ANXA13: variants seen among roughly 807,000 people sequenced by gnomAD.
ANXA13 encodes the protein annexin A13, also known as annexin XIII.
ANXA13 carries 36 observed loss-of-function variants against 46.6 expected under a neutral mutation model. The observed-to-expected ratio is 0.77, with a 90% CI of 0.59 to 1.02. ANXA13 has a LOEUF of 1.02. Ranked by LOEUF, ANXA13 falls within the 50% of genes least tolerant of loss-of-function variation. ANXA13 has a pLI of 0.00. For synonymous variants in ANXA13, 163 were observed against 152.9 expected (o/e 1.07, Z -0.49); for missense variants, 417 against 396.5 (o/e 1.05, Z -0.44).
At chr8:123,689,077 T>C in intron 8 of ANXA13, 131 bp from the exon 9 acceptor site, 1 of 786,252 alleles carries the variant, frequency 1.3e-6, no homozygotes, top group Non-Finnish European at 2.1e-6. Flanking sequence ...ACTGCTATCC[T>C]GACTCTTGCC....
chr8:123,709,939 A>T (rs1813624385), intron 2 of ANXA13, among the ~76,000 whole-genome samples: 2 of 152,126 alleles, frequency 1.3e-5, no homozygotes, highest in Non-Finnish European at 2.9e-5. Context: ...TTATATTTTT[A>T]GTAGAGACGG....
chr8:123,727,977 G>C (rs888373102), intron 1 of ANXA13: 1 of 152,164 alleles, frequency 6.6e-6, no homozygotes, highest in Non-Finnish European at 1.5e-5. Flanking sequence ...TAGGAGGAAG[G>C]TGTGAGCTGA....
chr8:123,696,544 C>A (rs556259380), intron 4 of ANXA13, among the ~76,000 whole-genome samples: 1 of 103,220 alleles, frequency 9.7e-6, no homozygotes, highest in African/African-American at 2.8e-5. Context: ...TAAGAGCAGG[C>A]TTCCTGCTCC....
intron 1 of ANXA13, among the ~76,000 whole-genome samples, chr8:123,725,312 G>T (rs980618697): frequency 6.6e-6 from 1 of 152,314 alleles, no homozygotes; most frequent in Admixed American, 6.5e-5. Flanking sequence ...GGGAGACATT[G>T]AATGTATCCA....
At chr8:123,734,566 A>C (rs1563622612) in intron 1 of ANXA13, among the ~76,000 whole-genome samples, 1 of 152,048 alleles carries the variant, frequency 6.6e-6, no homozygotes, top group Non-Finnish European at 1.5e-5. Context: ...GGATAGCACA[A>C]AAGTAATTTT....
In ANXA13 at chr8:123,690,605, T is replaced by C. The variant is rs1231101368; in HGVS notation, c.643-1659A>G. Among the ~76,000 whole-genome samples the C allele has an allele frequency of 1.3e-5, 2 of 152,236 alleles. No homozygotes were observed. The highest frequency in any genetic ancestry group is 4.1e-4 in the South Asian group (2 of 4,832). On this transcript the variant is annotated intron_variant, in intron 8 of 10. Coordinates refer to ENST00000419625, the MANE Select transcript of ANXA13 (RefSeq NM_004306.4). The surrounding 1 kb of genome is among the most constrained non-coding windows in gnomAD (Gnocchi z 4.6). ...TACTTTGGATACTTCTCACTTCAGT[T>C]ACTGCAACGTGATTCTTAGGGGCTC... is the stretch of plus-strand genomic sequence containing the variant.
intron 9 of ANXA13, among the ~76,000 whole-genome samples, chr8:123,687,056 G>A (rs916205422): frequency 1.3e-5 from 2 of 151,866 alleles, no homozygotes; most frequent in East Asian, 3.9e-4. Context: ...CTTATCTGTT[G>A]ATTTGTACCC....
rs554700941 is a variant in ANXA13 at position 123,709,087 on chromosome 8, C to T, written c.91+3591G>A. ...GGAGCCCCCATTCAACCCAGTTCAC[C>T]CTGAGTGATGGAGAACAAGGGCGCG... On this transcript the variant is annotated intron_variant, in intron 2 of 10. Transcript: ENST00000419625. Among the ~76,000 whole-genome samples the T allele has an allele frequency of 3.3e-5, 5 of 152,318 alleles. No homozygotes were observed. In the South Asian group the frequency reaches 8.3e-4, roughly 25 times the overall value.
intron 7 of ANXA13, 45 bp from the exon 8 acceptor site, chr8:123,693,343 A>C (rs755834476): frequency 1.3e-6 from 2 of 1,562,440 alleles, no homozygotes; most frequent in South Asian, 1.1e-5. Context: ...TTTTGTGAAA[A>C]GACTGATTAT....
In ANXA13 at chr8:123,688,953, C is replaced by T. The variant is rs55688638; in HGVS notation, c.643-7G>A. 2.6e-4 allele frequency: 423 copies of T among 1,613,200 alleles called. 1 individual carries two copies. The highest frequency in any genetic ancestry group is 1.1e-3 in the African/African-American group (79 of 74,966). On this transcript the variant is annotated splice_polypyrimidine_tract_variant and splice_region_variant and intron_variant, in intron 8 of 10. Coordinates refer to ENST00000419625, the MANE Select transcript of ANXA13 (RefSeq NM_004306.4). ...CTATGTCTTTGCCAATGAGCTGCAG[C>T]GAAAACCAAAATCAACTGTTATTCC...
At chr8:123,732,957 G>A (rs547551784) in intron 1 of ANXA13, among the ~76,000 whole-genome samples, 1 of 152,224 alleles carries the variant, frequency 6.6e-6, no homozygotes, top group Non-Finnish European at 1.5e-5. Flanking sequence ...AGGATCGCTT[G>A]AGCCCAGGAG....
chr8:123,697,461 GGGATGCTCC>G (rs1813362940), intron 4 of ANXA13, among the ~76,000 whole-genome samples: 1 of 152,174 alleles, frequency 6.6e-6, no homozygotes, highest in African/African-American at 2.4e-5. Context: ...AAGAAGTCCG[GGGATGCTCC>G]AGAAAAGGTT....
At chr8:123,700,753 G>A (rs1010755147) in intron 3 of ANXA13, among the ~76,000 whole-genome samples, 10 of 145,102 alleles carry the variant, frequency 6.9e-5, no homozygotes, top group Admixed American at 2.1e-4. Context: ...TCATTCTTTT[G>A]TTCTTTCTTT....
intron 9 of ANXA13, among the ~76,000 whole-genome samples, chr8:123,685,074 C>G (rs1813116480): frequency 6.6e-6 from 1 of 152,214 alleles, no homozygotes; most frequent in South Asian, 2.1e-4. Context: ...TGAAGGGAAA[C>G]AGATTGGCCA....
At chr8:123,729,989 A>G (rs1456232556) in intron 1 of ANXA13, among the ~76,000 whole-genome samples, 1 of 152,074 alleles carries the variant, frequency 6.6e-6, no homozygotes, top group Non-Finnish European at 1.5e-5. Flanking sequence ...TAGACAAGAC[A>G]CCTGGAGTCA....
intron 9 of ANXA13, among the ~76,000 whole-genome samples, chr8:123,687,858 A>G (rs1813168555): frequency 6.6e-6 from 1 of 152,180 alleles, no homozygotes; most frequent in Non-Finnish European, 1.5e-5. Flanking sequence ...ACACAGCCCC[A>G]TGCCCATCTC....
rs374396776 is a variant in ANXA13, at chr8:123,726,519, C to G, written c.15+10801G>C. The stretch of plus-strand genomic sequence containing the variant: ...GGGTAGCCCTTTTGGGGGCTACACC[C>G]AAACAGAGGAGAGGTGAGCCAATCA... On this transcript the variant is annotated intron_variant, in intron 1 of 10. Coordinates refer to ENST00000419625, the MANE Select transcript of ANXA13 (RefSeq NM_004306.4). Among the ~76,000 whole-genome samples, 5 of 152,302 alleles carry G rather than the reference C, an allele frequency of 3.3e-5. No homozygotes were observed. The East Asian group carries it at 7.7e-4, about 24-fold the overall frequency.
intron 8 of ANXA13, 24 bp from the exon 9 acceptor site, chr8:123,688,970 T>G (rs755318427): frequency 1.9e-6 from 3 of 1,612,030 alleles, no homozygotes; most frequent in South Asian, 1.1e-5. Flanking sequence ...CAAAATCAAC[T>G]GTTATTCCAG....
intron 4 of ANXA13, among the ~76,000 whole-genome samples, chr8:123,696,056 C>T (rs1025339329): frequency 2.0e-5 from 3 of 152,182 alleles, no homozygotes; most frequent in East Asian, 1.9e-4. Flanking sequence ...CTCTTCCCCA[C>T]TCAGGTAACC....
Sources: allele counts gnomAD v4.1 joint callset (sites outside exome capture counted in the v4.1 genomes callset), GRCh38; gene constraint gnomAD v4.1.1; non-coding constraint Gnocchi (gnomAD v3.1); transcripts MANE v1.5; gene names NCBI Gene and HGNC (gene_info 2026-07-23, HGNC 2026-07-21).